Variants in SMYD1 observed in about 807,000 individuals in gnomAD.
SMYD1 encodes histone-lysine N-methyltransferase SMYD1.
SMYD1 carries 49 observed loss-of-function variants against 54.0 expected under a neutral mutation model. The observed-to-expected ratio is 0.91, with a 90% CI of 0.72 to 1.15. SMYD1 has a LOEUF of 1.15. Among genes scored for constraint, SMYD1 ranks in the 50% most tolerant of loss-of-function variants. SMYD1 has a pLI of 0.00. For missense variants in SMYD1, 653 were observed against 639.6 expected, an observed-to-expected ratio of 1.02 and a Z score of -0.23; for synonymous variants, 269 against 234.2, an observed-to-expected ratio of 1.15 and a Z score of -1.36.
intron 9 of SMYD1, among the ~76,000 whole-genome samples, chr2:88,109,269 C>CGTGTGT (rs57720073): frequency 1.3e-5 from 2 of 151,474 alleles, no homozygotes; most frequent in East Asian, 1.9e-4. Context: ...TGCATGTGTG[C>CGTGTGT]GTGTGTGCAT....
chr2:88,094,352 C>T (rs577031758), intron 5 of SMYD1, among the ~76,000 whole-genome samples: 1 of 152,304 alleles, frequency 6.6e-6, no homozygotes, highest in South Asian at 2.1e-4. Flanking sequence ...TGGGCTCTGT[C>T]CCTAACCTCT....
In SMYD1 at chr2:88,084,338, A is replaced by T. The variant is rs757641640; in HGVS notation, c.160A>T (p.Thr54Ser). Residue 54 changes from threonine to serine, a missense_variant, in exon 2 of 10, where the codon ACC becomes TCC. Coordinates refer to ENST00000419482, the MANE Select transcript of SMYD1 (RefSeq NM_198274.4). ...CAGCCTTGTTAATTTTGTGTGCCAC[A>T]CCTGCTTCAAGAGGCAGGAGAAGCT... ...FDSLVNFVCH[T>S]CFKRQEKLHR... 7.6e-6 allele frequency: 12 copies of T among 1,577,938 alleles called. No individual in the cohort carries two copies. The highest frequency in any genetic ancestry group is 9.6e-6 in the Non-Finnish European group (11 of 1,150,938).
chr2:88,070,447 AGTGT>A (rs763804669), intron 1 of SMYD1, among the ~76,000 whole-genome samples: 1 of 151,354 alleles, frequency 6.6e-6, no homozygotes, highest in African/African-American at 2.4e-5. Flanking sequence ...TCTTTCAAAC[AGTGT>A]GTATTATATA....
intron 9 of SMYD1, among the ~76,000 whole-genome samples, chr2:88,109,080 G>A (rs970541124): frequency 3.9e-5 from 6 of 152,202 alleles, no homozygotes; most frequent in Admixed American, 2.0e-4. Flanking sequence ...AGATTTGGAA[G>A]GGACAGATAT....
At chr2:88,090,026 A>G (rs1674429319) in intron 3 of SMYD1, among the ~76,000 whole-genome samples, 1 of 152,216 alleles carries the variant, frequency 6.6e-6, no homozygotes, top group South Asian at 2.1e-4. Flanking sequence ...AGCTGAAAAG[A>G]TCCTTGGAGC....
At chr2:88,068,790 G>A (rs1673888394) in intron 1 of SMYD1, among the ~76,000 whole-genome samples, 1 of 151,920 alleles carries the variant, frequency 6.6e-6, no homozygotes, top group South Asian at 2.1e-4. Flanking sequence ...AGATTCATAT[G>A]CCATATGAAT....
At position 88,095,507 on chromosome 2, in the gene SMYD1, T is replaced by C. The variant is rs886174395; in HGVS notation, c.699-1088T>C. On this transcript the variant is annotated intron_variant, in intron 5 of 9. Transcript: ENST00000419482. ...GGGCTGCCTTTGACTGGGACTCTTC[T>C]CAGGTGCTGGAGTCTTGCCCTTGCT... Among the ~76,000 whole-genome samples, 4 of 152,214 alleles carry C rather than the reference T, an allele frequency of 2.6e-5. No homozygotes were observed. The East Asian group carries it at 7.7e-4, about 29-fold the overall frequency.
rs534263784 is a variant in SMYD1, at chr2:88,107,007, C to T, written c.1145+519C>T. ...CGAGGTGGGGAGATAGAGACCATCC[C>T]GGCTAACATGGTGAAACCCCGTCTC... On this transcript the variant is annotated intron_variant, in intron 8 of 9. Transcript: ENST00000419482. Among the ~76,000 whole-genome samples, 16 of 152,098 alleles carry T rather than the reference C, an allele frequency of 1.1e-4. No homozygotes were observed. In the East Asian group the frequency reaches 1.4e-3, roughly 13 times the overall value.
chr2:88,084,509 C>T lies in SMYD1; in HGVS notation c.314+17C>T. On this transcript the variant is annotated intron_variant, in intron 2 of 9. Transcript: ENST00000419482. ...GAACATCAGGTGAGAGCTGGGCACC[C>T]TGGTGGTGCTTCAGATTTCCAAATG... is the stretch of plus-strand genomic sequence containing the variant. The T allele has an allele frequency of 6.4e-7, 1 of 1,555,502 alleles. No individual in the cohort carries two copies.
chr2:88,104,519 C>A lies in SMYD1; in HGVS notation c.981+1369C>A, dbSNP rs563881955. Among the ~76,000 whole-genome samples, 22 of 152,302 alleles carry A rather than the reference C, an allele frequency of 1.4e-4. No individual in the cohort carries two copies. The Middle Eastern group carries it at 0.01, about 71-fold the overall frequency. On this transcript the variant is annotated intron_variant, in intron 7 of 9. Coordinates refer to ENST00000419482, the MANE Select transcript of SMYD1 (RefSeq NM_198274.4). ...CCATTGCCCTGGGTTCTCTCCTGTT[C>A]GTTTCTTCTCCTTCTCCATTCAGAC...
In SMYD1 at chr2:88,112,734, A is replaced by T. The variant is rs541525223; in HGVS notation, c.*2222A>T. ...AGTTCCTATGTGATTTGGCCTTTCG[A>T]TGTCAATCATCACTCCCAGCCATTG... On this transcript the variant is annotated 3_prime_UTR_variant, in exon 10 of 10. Transcript: ENST00000419482. 1 of 152,502 alleles carries T rather than the reference A, an allele frequency of 6.6e-6. No homozygotes were observed. The highest frequency in any genetic ancestry group is 6.5e-5 in the Admixed American group (1 of 15,344). 9.4% of individuals were successfully genotyped at this position (152,502 alleles called of 1,614,324 possible).
At chr2:88,081,638 G>A (rs1451166425) in intron 1 of SMYD1, among the ~76,000 whole-genome samples, 1 of 152,022 alleles carries the variant, frequency 6.6e-6, no homozygotes, top group African/African-American at 2.4e-5. Flanking sequence ...GTTTTACCAT[G>A]TTGGCCAGGC....
At chr2:88,108,684 C>G in intron 9 of SMYD1, 145 bp downstream of exon 9, 2 of 725,140 alleles carry the variant, frequency 2.8e-6, no homozygotes, top group East Asian at 6.1e-5. Flanking sequence ...TAGCCCACTA[C>G]CCTTGTGTGT....
At chr2:88,080,662 T>C (rs1469395557) in intron 1 of SMYD1, among the ~76,000 whole-genome samples, 1 of 152,154 alleles carries the variant, frequency 6.6e-6, no homozygotes. Context: ...TGAGCCCTGA[T>C]GCCCCAGAGG....
intron 3 of SMYD1, among the ~76,000 whole-genome samples, chr2:88,089,583 C>CTCTTTTTTTTTTTT (rs1481581789): frequency 8.7e-6 from 1 of 114,992 alleles, no homozygotes; most frequent in Non-Finnish European, 1.8e-5. Context: ...GAGCTTCTAC[C>CTCTTTTTTTTTTTT]TGTTTTTTTT....
rs763890832 is a variant in SMYD1 at position 88,103,040 on chromosome 2, T to A, written c.889-18T>A. 9 of 1,610,324 alleles carry A rather than the reference T, an allele frequency of 5.6e-6. No individual in the cohort carries two copies. Among genetic ancestry groups the A allele is most frequent in the Non-Finnish European group, 5.9e-6 (7 of 1,176,636 alleles). On this transcript the variant is annotated intron_variant, in intron 6 of 9. Transcript: ENST00000419482. ...CCTCATGAAGGCATCTCTAGCTCAA[T>A]GTGTCTCTCTTTCCCAGCCCTCTCA...
In SMYD1 at chr2:88,107,935, G is replaced by A. The variant is rs188994590; in HGVS notation, c.1146-436G>A. Among the ~76,000 whole-genome samples, 169 of 152,286 alleles carry A rather than the reference G, an allele frequency of 1.1e-3. 1 individual carries two copies. Among genetic ancestry groups the A allele is most frequent in the Non-Finnish European group, 1.8e-3 (120 of 68,022 alleles). ...CCCTGCTTCGGCTTACACTCGGTGC[G>A]CTGCACCCACTGTCCTGCACCCACT... On this transcript the variant is annotated intron_variant, in intron 8 of 9. Coordinates refer to ENST00000419482, the MANE Select transcript of SMYD1 (RefSeq NM_198274.4).
At chr2:88,100,047 C>G (rs1416476229) in intron 6 of SMYD1, among the ~76,000 whole-genome samples, 1 of 150,920 alleles carries the variant, frequency 6.6e-6, no homozygotes, top group Non-Finnish European at 1.5e-5. Context: ...TTCTCCTATG[C>G]CTCTGGCTCC....
chr2:88,089,949 G>A (rs952912499), intron 3 of SMYD1, among the ~76,000 whole-genome samples: 4 of 152,116 alleles, frequency 2.6e-5, no homozygotes, highest in African/African-American at 9.7e-5. Context: ...GGTGTGTTGA[G>A]TAATCTTCGG....
Sources: allele counts gnomAD v4.1 joint callset (sites outside exome capture counted in the v4.1 genomes callset), GRCh38; gene constraint gnomAD v4.1.1; transcripts MANE v1.5; gene names NCBI Gene and HGNC (gene_info 2026-07-23, HGNC 2026-07-21).